ZDHHC20: variants seen among roughly 807,000 people sequenced by gnomAD.
ZDHHC20 encodes the protein palmitoyltransferase ZDHHC20.
A neutral mutation model predicts 57.8 loss-of-function variants in ZDHHC20; 43 were observed. The ratio of observed to expected loss-of-function variants is 0.74; its 90% CI spans 0.58 to 0.96. The LOEUF (loss-of-function observed/expected upper bound fraction) is 0.96. Ranked by LOEUF, ZDHHC20 falls within the 40% of genes least tolerant of loss-of-function variation. The pLI, the probability that ZDHHC20 is intolerant of heterozygous loss-of-function variation, is 0.00. For missense variants in ZDHHC20, 391 were observed against 441.1 expected (o/e 0.89, Z 1.02); for synonymous variants, 157 against 153.0 (o/e 1.03, Z -0.19).
chr13:21,454,018 T>C (rs535238016), intron 1 of ZDHHC20, among the ~76,000 whole-genome samples: 2 of 152,124 alleles, frequency 1.3e-5, no homozygotes, highest in South Asian at 2.1e-4. Flanking sequence ...ATCTAATTTT[T>C]TGTATTTTTT....
intron 7 of ZDHHC20, among the ~76,000 whole-genome samples, chr13:21,400,155 A>C (rs1336288389): frequency 6.6e-6 from 1 of 152,076 alleles, no homozygotes; most frequent in African/African-American, 2.4e-5. Flanking sequence ...GGATCACTAA[A>C]AGAGGCTCAC....
chr13:21,391,232 G>C (rs1015165142), intron 8 of ZDHHC20, among the ~76,000 whole-genome samples: 2 of 152,152 alleles, frequency 1.3e-5, no homozygotes, highest in Non-Finnish European at 2.9e-5. Flanking sequence ...CTCCCAAAGT[G>C]CTGGGATTAC....
chr13:21,441,550 T>C (rs1445452791), intron 1 of ZDHHC20, among the ~76,000 whole-genome samples: 3 of 4,266 alleles, frequency 7.0e-4, no homozygotes, highest in South Asian at 0.015. Flanking sequence ...CACGCCCGGC[T>C]TTTTTTTTTT....
chr13:21,406,408 T>G (rs9580103), intron 4 of ZDHHC20, among the ~76,000 whole-genome samples: 22,439 of 152,230 alleles, frequency 0.15, 2,241 homozygotes, highest in Non-Finnish European at 0.23. Context: ...TTATTATACT[T>G]TGTTATAAAA....
In ZDHHC20 at chr13:21,427,834, C is replaced by CAAA. The variant is rs755599024; in HGVS notation, c.119-2159_119-2157dup. Among the ~76,000 whole-genome samples, 586 of 92,120 alleles carry CAAA rather than the reference C, an allele frequency of 6.4e-3. 3 individuals are homozygous for CAAA. Among genetic ancestry groups the CAAA allele is most frequent in the African/African-American group, 0.013 (275 of 21,200 alleles). The allele number at this position is 92,120 out of a possible 152,430, so 60.4% of individuals were successfully genotyped here. On this transcript the variant is annotated intron_variant, in intron 1 of 12. Transcript: ENST00000400590. ...TGGACAACAGAACTAGACTCTGTTT[C>CAAA]AAAAAAAAAAAAAAAAAAAAACCAA...
intron 8 of ZDHHC20, 134 bp from the exon 9 acceptor site, chr13:21,387,768 G>A (rs1288195433): frequency 1.3e-5 from 6 of 447,912 alleles, no homozygotes; most frequent in Non-Finnish European, 2.2e-5. Flanking sequence ...TAATACATTA[G>A]TAGCAATTAA....
Position 21,391,711 on chromosome 13 carries a change from A to T in ZDHHC20, c.727+11T>A. 6.3e-7 allele frequency: 1 copy of T among 1,592,166 alleles called. No individual in the cohort carries two copies. Among genetic ancestry groups the T allele is most frequent in the East Asian group, 2.2e-5 (1 of 44,756 alleles). ...GTCCTAAGTAATTATAATTTATTTT[A>T]ACCTACTTACCTATTGTTGTTCTAT... On this transcript the variant is annotated intron_variant, in intron 8 of 12. Coordinates refer to ENST00000400590, the MANE Select transcript of ZDHHC20 (RefSeq NM_001330059.2).
intron 11 of ZDHHC20, 30 bp from the exon 12 acceptor site, chr13:21,378,768 C>CAAAAAAAAAAAAAA: frequency 1.5e-6 from 1 of 685,202 alleles, no homozygotes. Flanking sequence ...TATGACATGA[C>CAAAAAAAAAAAAAA]AAAAAAAAAA....
chr13:21,419,326 G>A (rs1250255845), intron 3 of ZDHHC20, among the ~76,000 whole-genome samples: 2 of 152,186 alleles, frequency 1.3e-5, no homozygotes, highest in Non-Finnish European at 1.5e-5. Flanking sequence ...ACTTGCTAAT[G>A]TTAAATGTAT....
At chr13:21,455,859 A>G (rs1330239105) in intron 1 of ZDHHC20, among the ~76,000 whole-genome samples, 3 of 152,140 alleles carry the variant, frequency 2.0e-5, no homozygotes, top group African/African-American at 7.2e-5. Flanking sequence ...TACAGGACTG[A>G]AATCTGCCCT....
rs747307477 is a variant in ZDHHC20, at chr13:21,414,527, A to ATTTTTTTTTTT, written c.250-766_250-756dup. Reference sequence around the variant, plus strand: ...AGGCGCACGCCACTATGCCCGGATAATTTTTTTTTTTTTTTTTGTATTTTT... The same window carrying ATTTTTTTTTTT: ...AGGCGCACGCCACTATGCCCGGATAATTTTTTTTTTTTTTTTTTTTTTTTTTTTGTATTTTT... On this transcript the variant is annotated intron_variant, in intron 3 of 12. Coordinates refer to ENST00000400590, the MANE Select transcript of ZDHHC20 (RefSeq NM_001330059.2). 2.8e-3 allele frequency among the ~76,000 whole-genome samples: 301 copies of ATTTTTTTTTTT among 107,460 alleles called. 8 individuals carry two copies. The highest frequency in any genetic ancestry group is 0.012 in the South Asian group (37 of 3,164). The allele number at this position is 107,460 out of a possible 152,430, so 70.5% of individuals were successfully genotyped here. A position where few individuals can be genotyped will look rare whatever the true frequency, so the allele number is the denominator to read the frequency against.
intron 1 of ZDHHC20, among the ~76,000 whole-genome samples, chr13:21,433,021 A>T (rs1035488531): frequency 3.9e-5 from 6 of 152,268 alleles, no homozygotes; most frequent in Non-Finnish European, 2.9e-5. Context: ...TTGATTACAT[A>T]TAGCTTTCAG....
In ZDHHC20 at chr13:21,395,145, C is replaced by A. The variant is rs542190815; in HGVS notation, c.595-3291G>T. Among the ~76,000 whole-genome samples the A allele has an allele frequency of 1.2e-3, 186 of 151,400 alleles. 1 individual carries two copies. Among genetic ancestry groups the A allele is most frequent in the Non-Finnish European group, 2.4e-3 (161 of 67,916 alleles). On this transcript the variant is annotated intron_variant, in intron 7 of 12. Transcript: ENST00000400590. Reference sequence around the variant, plus strand: ...GCAGTGGTGCAATCTCAGCTCACTGCAAGCTCCGTCTCCCAGGTTCATGCT... The same window carrying A: ...GCAGTGGTGCAATCTCAGCTCACTGAAAGCTCCGTCTCCCAGGTTCATGCT...
chr13:21,449,615 G>C (rs1884248766), intron 1 of ZDHHC20, among the ~76,000 whole-genome samples: 1 of 151,970 alleles, frequency 6.6e-6, no homozygotes, highest in South Asian at 2.1e-4. Flanking sequence ...ATTTCTTGAT[G>C]GAAGAAGGTA....
chr13:21,442,749 T>A (rs1883309224), intron 1 of ZDHHC20, among the ~76,000 whole-genome samples: 1 of 151,712 alleles, frequency 6.6e-6, no homozygotes. Context: ...AGCGAGACTC[T>A]ATCTCAAAAA....
intron 3 of ZDHHC20, among the ~76,000 whole-genome samples, chr13:21,419,598 C>T (rs1262975080): frequency 6.6e-6 from 1 of 152,216 alleles, no homozygotes; most frequent in Non-Finnish European, 1.5e-5. Flanking sequence ...AAAGAAGCCA[C>T]ACACACATAT....
At chr13:21,416,637 C>T (rs1880013223) in intron 3 of ZDHHC20, among the ~76,000 whole-genome samples, 1 of 152,106 alleles carries the variant, frequency 6.6e-6, no homozygotes, top group East Asian at 1.9e-4. Flanking sequence ...GATAAAAGCT[C>T]CCTTGGGAGG....
At chr13:21,402,701 T>C in intron 5 of ZDHHC20, 96 bp downstream of exon 5, 1 of 993,140 alleles carries the variant, frequency 1.0e-6, no homozygotes, top group South Asian at 1.5e-5. Flanking sequence ...AGTGTTCTTG[T>C]CAAGTGTAAA....
intron 7 of ZDHHC20, among the ~76,000 whole-genome samples, chr13:21,396,754 A>AGGT (rs1876841675): frequency 6.6e-6 from 1 of 152,052 alleles, no homozygotes; most frequent in Admixed American, 6.6e-5. Context: ...AATCACTTGA[A>AGGT]TCCAGGAGGT....
Sources: gnomAD v4.1 joint callset for allele counts (sites outside exome capture counted in the v4.1 genomes callset) on GRCh38, gnomAD v4.1.1 for gene constraint, MANE v1.5 for transcripts, NCBI Gene and HGNC (gene_info 2026-07-23, HGNC 2026-07-21) for gene names.